The following SGCZ variants were observed in gnomAD, a reference collection of about 807,000 sequenced individuals.
SGCZ encodes sarcoglycan zeta, also known as zeta-sarcoglycan.
Under a neutral mutation model 41.3 loss-of-function variants are expected in SGCZ, and 40 were observed. That is an observed-to-expected ratio of 0.97 (90% confidence interval 0.75 to 1.26). The LOEUF (loss-of-function observed/expected upper bound fraction) is 1.26, where lower values mean the gene tolerates loss of function less well. SGCZ is among the 50% of genes most tolerant of loss of function. The pLI, the probability that SGCZ is intolerant of heterozygous loss-of-function variation, is 0.00. For missense variants in SGCZ, 552 were observed against 369.8 expected (o/e 1.49, Z -4.04); for synonymous variants, 206 against 137.5 (o/e 1.50, Z -3.49).
intron 2 of SGCZ, among the ~76,000 whole-genome samples, chr8:14,530,214 AT>A (rs1228861684): frequency 2.0e-5 from 3 of 151,920 alleles, no homozygotes; most frequent in Non-Finnish European, 2.9e-5. Flanking sequence ...TTATAGGGAA[AT>A]TTTTTTTAAA....
intron 4 of SGCZ, among the ~76,000 whole-genome samples, chr8:14,193,917 T>C (rs1384698591): frequency 1.3e-5 from 2 of 151,840 alleles, no homozygotes; most frequent in African/African-American, 2.4e-5. Context: ...TTTTGATTAA[T>C]ATACTATGTT....
At chr8:14,640,798 A>T (rs1398738528) in intron 1 of SGCZ, among the ~76,000 whole-genome samples, 1 of 151,610 alleles carries the variant, frequency 6.6e-6, no homozygotes, top group Non-Finnish European at 1.5e-5. Context: ...AGACAGTCAA[A>T]GCACATCTCA....
intron 1 of SGCZ, among the ~76,000 whole-genome samples, chr8:15,149,343 C>T (rs1397083093): frequency 2.0e-5 from 3 of 152,114 alleles, no homozygotes; most frequent in Non-Finnish European, 4.4e-5. Flanking sequence ...GAATAAAAAG[C>T]TCACAGGACA....
intron 2 of SGCZ, among the ~76,000 whole-genome samples, chr8:14,539,449 C>T (rs972165819): frequency 6.6e-6 from 1 of 151,900 alleles, no homozygotes; most frequent in Non-Finnish European, 1.5e-5. Flanking sequence ...AAGTTTTATT[C>T]TGGGCAACTT....
At chr8:14,368,592 T>C (rs1360004636) in intron 2 of SGCZ, among the ~76,000 whole-genome samples, 1 of 152,074 alleles carries the variant, frequency 6.6e-6, no homozygotes, top group East Asian at 1.9e-4. Context: ...GTGCTCACAA[T>C]GCCAAGCAGA....
At chr8:14,165,874 A>G (rs1259258024) in intron 4 of SGCZ, among the ~76,000 whole-genome samples, 1 of 152,160 alleles carries the variant, frequency 6.6e-6, no homozygotes, top group African/African-American at 2.4e-5. Context: ...AGATGAATGA[A>G]TACTTAAGCT....
At chr8:14,213,055 C>G (rs527445142) in intron 4 of SGCZ, among the ~76,000 whole-genome samples, 69 of 152,116 alleles carry the variant, frequency 4.5e-4, no homozygotes, top group African/African-American at 1.7e-3. Flanking sequence ...AATGGATTCT[C>G]AGGGACTGTG....
chr8:14,221,215 G>T (rs1806183937), intron 4 of SGCZ, among the ~76,000 whole-genome samples: 1 of 152,218 alleles, frequency 6.6e-6, no homozygotes, highest in African/African-American at 2.4e-5. Flanking sequence ...GTAAAACCAG[G>T]AGAGGGAGAT....
At chr8:15,012,280 T>C (rs889783818) in intron 1 of SGCZ, among the ~76,000 whole-genome samples, 19 of 151,516 alleles carry the variant, frequency 1.3e-4, no homozygotes, top group Non-Finnish European at 1.6e-4. Flanking sequence ...CTGGGCAACA[T>C]AGCAAACCTC....
intron 1 of SGCZ, among the ~76,000 whole-genome samples, chr8:14,746,690 G>T (rs1290784432): frequency 6.6e-6 from 1 of 152,124 alleles, no homozygotes; most frequent in Non-Finnish European, 1.5e-5. Flanking sequence ...TATCACAAAA[G>T]TCATCATGAT....
intron 1 of SGCZ, among the ~76,000 whole-genome samples, chr8:15,154,629 G>A (rs17121052): frequency 0.018 from 2,795 of 152,302 alleles, 46 homozygotes; most frequent in South Asian, 0.041. Context: ...GTAAGTAACA[G>A]GTGATCAATA....
chr8:14,121,442 T>C (rs1294805869), intron 5 of SGCZ, among the ~76,000 whole-genome samples: 1 of 152,150 alleles, frequency 6.6e-6, no homozygotes, highest in Non-Finnish European at 1.5e-5. Flanking sequence ...AAAATAATGC[T>C]CTTTTTTAAA....
intron 1 of SGCZ, among the ~76,000 whole-genome samples, chr8:14,722,015 T>C (rs759547844): frequency 6.6e-6 from 1 of 152,180 alleles, no homozygotes; most frequent in Non-Finnish European, 1.5e-5. Context: ...CATCATTTCA[T>C]TGTGATCTTC....
At position 14,309,768 on chromosome 8, in the gene SGCZ, G is replaced by T. The variant is rs1347311635; in HGVS notation, c.336+14335C>A. ...GCCTCTTCAAAAAGCAGAGTGGACT[G>T]CATTTAAATTTCATTTCCATCTAAA... On this transcript the variant is annotated intron_variant, in intron 3 of 7. Transcript: ENST00000382080. The T allele has an allele frequency of 2.6e-6, 4 of 1,534,794 alleles. No individual in the cohort carries two copies. The East Asian group carries it at 9.3e-5, about 36-fold the overall frequency.
chr8:14,156,046 CT>C (rs778170158), intron 5 of SGCZ, among the ~76,000 whole-genome samples: 19 of 152,272 alleles, frequency 1.2e-4, no homozygotes, highest in Middle Eastern at 3.4e-3. Flanking sequence ...AGTCCTGAAG[CT>C]TGCAGGACGA....
At chr8:14,573,228 C>T (rs1335142843) in intron 1 of SGCZ, among the ~76,000 whole-genome samples, 4 of 125,058 alleles carry the variant, frequency 3.2e-5, no homozygotes, top group Non-Finnish European at 4.8e-5. Context: ...GACGGAGTCT[C>T]GCTCTGTCGC....
intron 1 of SGCZ, among the ~76,000 whole-genome samples, chr8:14,859,621 T>A (rs990537652): frequency 6.6e-6 from 1 of 152,144 alleles, no homozygotes; most frequent in Admixed American, 6.6e-5. Flanking sequence ...ATCGCTAATA[T>A]GCTCCAAACC....
chr8:14,545,574 T>C (rs1019147295), intron 2 of SGCZ, among the ~76,000 whole-genome samples: 30 of 152,320 alleles, frequency 2.0e-4, no homozygotes, highest in African/African-American at 7.0e-4. Context: ...TAAGTTTACA[T>C]ATGGAGATGA....
At chr8:14,526,204 A>T (rs564911811) in intron 2 of SGCZ, among the ~76,000 whole-genome samples, 1 of 152,162 alleles carries the variant, frequency 6.6e-6, no homozygotes, top group African/African-American at 2.4e-5. Flanking sequence ...CCAATATTAC[A>T]TAAGTGTAAT....
Sources: gnomAD v4.1 joint callset for allele counts (sites outside exome capture counted in the v4.1 genomes callset) on GRCh38, gnomAD v4.1.1 for gene constraint, MANE v1.5 for transcripts, NCBI Gene and HGNC (gene_info 2026-07-23, HGNC 2026-07-21) for gene names.